FNDC3B: variants seen among roughly 807,000 people sequenced by gnomAD.
The protein encoded by FNDC3B is fibronectin type III domain-containing protein 3B.
FNDC3B carries 12 observed loss-of-function variants against 151.5 expected under a neutral mutation model. The observed-to-expected ratio is 0.08, with a 90% CI of 0.05 to 0.13. The LOEUF is 0.13. Among genes scored for constraint, FNDC3B ranks in the 10% least tolerant of loss-of-function variants. FNDC3B has a pLI of 1.00. For synonymous variants in FNDC3B, 528 were observed against 549.0 expected (o/e 0.96, Z 0.54); for missense variants, 1,214 against 1,505.3 (o/e 0.81, Z 3.20).
Position 172,280,237 on chromosome 3 carries a change from G to A in FNDC3B, c.791-5689G>A, listed in dbSNP as rs565532708. ...GCCATCAACACACATTCTTAATATT[G>A]TTTTCTTTTGTCCCCATTCATGCTT... On this transcript the variant is annotated intron_variant, in intron 6 of 25. Transcript: ENST00000415807. Among the ~76,000 whole-genome samples, 22 of 152,246 alleles carry A rather than the reference G, an allele frequency of 1.4e-4. No homozygotes were observed. The Middle Eastern group carries it at 0.014, about 94-fold the overall frequency.
chr3:172,252,456 T>C (rs1425646075), intron 6 of FNDC3B, among the ~76,000 whole-genome samples: 1 of 151,776 alleles, frequency 6.6e-6, no homozygotes, highest in Non-Finnish European at 1.5e-5. Flanking sequence ...CTGACTGAGA[T>C]GCAGTAAGGA....
At chr3:172,281,149 T>A (rs928259873) in intron 6 of FNDC3B, among the ~76,000 whole-genome samples, 1 of 151,762 alleles carries the variant, frequency 6.6e-6, no homozygotes, top group Non-Finnish European at 1.5e-5. Flanking sequence ...TGTGCCTATA[T>A]CTGCAAAACA....
chr3:172,269,078 G>C (rs2108800602), intron 6 of FNDC3B, among the ~76,000 whole-genome samples: 1 of 152,292 alleles, frequency 6.6e-6, no homozygotes, highest in Admixed American at 6.5e-5. Context: ...TAAGTGGAGA[G>C]AATATGACTT....
chr3:172,122,916 A>G (rs1720621944), intron 2 of FNDC3B, among the ~76,000 whole-genome samples: 1 of 152,218 alleles, frequency 6.6e-6, no homozygotes, highest in Admixed American at 6.5e-5. Flanking sequence ...ACTTGTTACT[A>G]AGGTTCCATT....
intron 1 of FNDC3B, among the ~76,000 whole-genome samples, chr3:172,071,093 G>T: frequency 6.6e-6 from 1 of 152,018 alleles, no homozygotes; most frequent in East Asian, 1.9e-4. Context: ...TGTTTTGATA[G>T]TGCTAAAAAT....
At chr3:172,152,727 G>A (rs1036695854) in intron 3 of FNDC3B, among the ~76,000 whole-genome samples, 3 of 151,890 alleles carry the variant, frequency 2.0e-5, no homozygotes, top group Admixed American at 6.6e-5. Context: ...TTCTTTTCAC[G>A]GGACCCCTGT....
rs1291204992 is a variant in FNDC3B at position 172,346,423 on chromosome 3, G to A, written c.2347G>A (p.Val783Ile). ...PCISCTPDGC[V>I]LVGWESPDSS... ...TATTTCTTGTACACCTGATGGATGT[G>A]TCTTAGTGGGTTGGGAGGTAAGTCA... The change falls in exon 20 of 26, where the codon GTC (valine) becomes ATC (isoleucine). Residue 783 changes from valine to isoleucine, a missense_variant. Physicochemically the swap from Val to Ile is conservative, Grantham distance 29. Transcript: ENST00000415807. 2.5e-6 allele frequency: 4 copies of A among 1,610,378 alleles called. No individual in the cohort carries two copies. The East Asian group carries it at 6.7e-5, about 27-fold the overall frequency.
intron 4 of FNDC3B, among the ~76,000 whole-genome samples, chr3:172,229,678 G>A (rs1024013749): frequency 6.6e-6 from 1 of 152,110 alleles, no homozygotes; most frequent in Non-Finnish European, 1.5e-5. Flanking sequence ...AGAATACTGC[G>A]TGGCACAAAG....
intron 6 of FNDC3B, among the ~76,000 whole-genome samples, chr3:172,262,722 G>C (rs1728711102): frequency 6.6e-6 from 1 of 151,426 alleles, no homozygotes; most frequent in Non-Finnish European, 1.5e-5. Context: ...GGACAGCATA[G>C]CAAGACCCCA....
chr3:172,340,648 C>T (rs988810158), intron 16 of FNDC3B, among the ~76,000 whole-genome samples: 1 of 152,196 alleles, frequency 6.6e-6, no homozygotes, highest in Admixed American at 6.5e-5. Context: ...AAGAGGATTT[C>T]ACTTCCTTTG....
intron 1 of FNDC3B, among the ~76,000 whole-genome samples, chr3:172,044,105 G>A (rs1489034934): frequency 6.6e-6 from 1 of 152,178 alleles, no homozygotes; most frequent in Non-Finnish European, 1.5e-5. Flanking sequence ...ATTCATCCAT[G>A]AATTGGGAAG....
chr3:172,147,037 G>C (rs1018758156), intron 3 of FNDC3B, among the ~76,000 whole-genome samples: 2 of 152,170 alleles, frequency 1.3e-5, no homozygotes, highest in Non-Finnish European at 2.9e-5. Context: ...GCCAGGCGTG[G>C]TGCCTCACGC....
intron 6 of FNDC3B, among the ~76,000 whole-genome samples, chr3:172,266,272 G>T (rs572882865): frequency 6.6e-6 from 1 of 152,198 alleles, no homozygotes; most frequent in South Asian, 2.1e-4. Flanking sequence ...CACAATGGAG[G>T]CATACTTCTG....
intron 6 of FNDC3B, among the ~76,000 whole-genome samples, chr3:172,274,148 G>A (rs1365586191): frequency 1.3e-5 from 2 of 152,144 alleles, no homozygotes; most frequent in African/African-American, 4.8e-5. Context: ...ATAGGATATG[G>A]TCTTTCTTGA....
At chr3:172,315,610 A>G (rs1576903210) in intron 11 of FNDC3B, among the ~76,000 whole-genome samples, 1 of 152,176 alleles carries the variant, frequency 6.6e-6, no homozygotes, top group African/African-American at 2.4e-5. Context: ...ACACCCCATT[A>G]GGAGCAGAAA....
At chr3:172,342,773 T>C (rs1020703138) in intron 17 of FNDC3B, among the ~76,000 whole-genome samples, 1 of 152,214 alleles carries the variant, frequency 6.6e-6, no homozygotes, top group South Asian at 2.1e-4. Flanking sequence ...ACTTCAAAAA[T>C]AATCATTCTT....
intron 1 of FNDC3B, among the ~76,000 whole-genome samples, chr3:172,069,316 C>T (rs138703683): frequency 8.5e-4 from 130 of 152,242 alleles, no homozygotes; most frequent in African/African-American, 3.0e-3. Flanking sequence ...AAAATCAAAT[C>T]GGATGTTCTT....
intron 3 of FNDC3B, among the ~76,000 whole-genome samples, chr3:172,193,059 C>T (rs7614147): frequency 0.77 from 115,385 of 149,888 alleles, 45,535 homozygotes; most frequent in Non-Finnish European, 0.87. Flanking sequence ...TGTCCTATCT[C>T]TCCAAATCTG....
At chr3:172,045,695 TCTCA>T (rs747884986) in intron 1 of FNDC3B, among the ~76,000 whole-genome samples, 5 of 152,144 alleles carry the variant, frequency 3.3e-5, no homozygotes, top group Non-Finnish European at 7.4e-5. Flanking sequence ...GTAAATTAAT[TCTCA>T]CTCTTAAGGC....
Sources: allele counts gnomAD v4.1 joint callset (sites outside exome capture counted in the v4.1 genomes callset), GRCh38; gene constraint gnomAD v4.1.1; transcripts MANE v1.5; gene names NCBI Gene and HGNC (gene_info 2026-07-23, HGNC 2026-07-21).